DOCK9: variants seen among roughly 807,000 people sequenced by gnomAD.
DOCK9 encodes dedicator of cytokinesis 9.
DOCK9 carries 89 observed loss-of-function variants against 263.3 expected under a neutral mutation model. That is an observed-to-expected ratio of 0.34 (90% confidence interval 0.28 to 0.40). The LOEUF is 0.40. Ranked by LOEUF, DOCK9 falls within the 10% of genes least tolerant of loss-of-function variation. DOCK9 has a pLI of 1.00. For missense variants in DOCK9, 2,140 were observed against 2,603.4 expected, an observed-to-expected ratio of 0.82 and a Z score of 3.87; for synonymous variants, 976 against 973.1, an observed-to-expected ratio of 1.00 and a Z score of -0.06.
At chr13:98,823,405 C>G (rs1318826627) in intron 45 of DOCK9, among the ~76,000 whole-genome samples, 2 of 152,288 alleles carry the variant, frequency 1.3e-5, no homozygotes, top group African/African-American at 2.4e-5. Flanking sequence ...CAAGGGCCTG[C>G]CTCCCTGGCA....
rs772230928 is a variant in DOCK9, at chr13:98,885,703, C to G, written c.2260+5G>C. 14 of 1,608,276 alleles carry G rather than the reference C, an allele frequency of 8.7e-6. No homozygotes were observed. The highest frequency in any genetic ancestry group is 8.5e-5 in the Admixed American group (5 of 58,556). Reference sequence around the variant, plus strand: ...AAAATCAAAGGAATGGTAAGCCCCCCCAACCTTGGGTTTCAACGACATCCC... The same window carrying G: ...AAAATCAAAGGAATGGTAAGCCCCCGCAACCTTGGGTTTCAACGACATCCC... On this transcript the variant is annotated splice_donor_5th_base_variant and intron_variant, in intron 20 of 52. Coordinates refer to ENST00000682017, the MANE Select transcript of DOCK9 (RefSeq NM_001366683.2).
intron 36 of DOCK9, 51 bp from the exon 37 acceptor site, chr13:98,848,690 T>C (rs2093465231): frequency 6.5e-7 from 1 of 1,546,814 alleles, no homozygotes; most frequent in Non-Finnish European, 8.8e-7. Flanking sequence ...AAAATTATTT[T>C]CGGGACGTTA....
intron 10 of DOCK9, among the ~76,000 whole-genome samples, chr13:98,903,720 T>C (rs1430513021): frequency 6.7e-6 from 1 of 149,918 alleles, no homozygotes; most frequent in Non-Finnish European, 1.5e-5. Flanking sequence ...CCAATGTCCA[T>C]CAAGTATCCA....
At chr13:98,922,241 C>T in intron 5 of DOCK9, 95 bp from the exon 6 acceptor site, 1 of 843,392 alleles carries the variant, frequency 1.2e-6, no homozygotes. Flanking sequence ...TCCCTTTGTG[C>T]CAAGTTGTCC....
chr13:98,942,471 C>T (rs919371677), intron 2 of DOCK9, among the ~76,000 whole-genome samples: 3 of 152,120 alleles, frequency 2.0e-5, no homozygotes, highest in Non-Finnish European at 4.4e-5. Flanking sequence ...ATCTCCTGAC[C>T]TCGTGATCTG....
intron 38 of DOCK9, among the ~76,000 whole-genome samples, chr13:98,838,600 A>G (rs2093097088): frequency 6.6e-6 from 1 of 152,256 alleles, no homozygotes; most frequent in African/African-American, 2.4e-5. Context: ...TATATGTGGC[A>G]AAATCAGTTT....
In DOCK9 at chr13:99,018,487, A is replaced by G. The variant is rs565717839; in HGVS notation, c.130-62936T>C. 6.8e-4 allele frequency among the ~76,000 whole-genome samples: 103 copies of G among 152,380 alleles called. 1 individual carries two copies. The South Asian group carries it at 7.0e-3, about 10-fold the overall frequency. ...TACCCTGTTTGTGGTATTCTGTTATAGCAGCAGAAAATGGACCAAGACATA... is the reference window on the plus strand; with the variant it reads ...TACCCTGTTTGTGGTATTCTGTTATGGCAGCAGAAAATGGACCAAGACATA... On this transcript the variant is annotated intron_variant, in intron 1 of 32. Transcript: ENST00000427887.
At chr13:99,072,225 T>C (rs1663317080) in intron 1 of DOCK9, among the ~76,000 whole-genome samples, 1 of 152,186 alleles carries the variant, frequency 6.6e-6, no homozygotes, top group African/African-American at 2.4e-5. Flanking sequence ...CCTTCCAGAC[T>C]TTCATGATGT....
intron 25 of DOCK9, among the ~76,000 whole-genome samples, chr13:98,881,271 C>T (rs79939139): frequency 0.018 from 2,766 of 151,918 alleles, 45 homozygotes; most frequent in South Asian, 0.053. Context: ...AGAGGCCTAG[C>T]CAAGAACAAC....
chr13:98,922,235 T>A, intron 5 of DOCK9, 89 bp from the exon 6 acceptor site: 1 of 942,662 alleles, frequency 1.1e-6, no homozygotes, highest in Non-Finnish European at 1.6e-6. Flanking sequence ...GGTCATTCCC[T>A]TTGTGCCAAG....
At chr13:98,898,970 G>C (rs2047843921) in intron 13 of DOCK9, among the ~76,000 whole-genome samples, 1 of 151,456 alleles carries the variant, frequency 6.6e-6, no homozygotes, top group Non-Finnish European at 1.5e-5. Context: ...TTCCAAATTT[G>C]TCTGTACTGT....
Position 98,809,363 on chromosome 13 carries a change from A to C in DOCK9, c.5356T>G (p.Phe1786Val). The C allele has an allele frequency of 6.2e-7, 1 of 1,613,828 alleles. No individual in the cohort carries two copies. Among genetic ancestry groups the C allele is most frequent in the East Asian group, 2.2e-5 (1 of 44,878 alleles). Reference protein sequence around the residue: ...RLLGTYFRVAFFGQGFFEDED... With the variant: ...RLLGTYFRVAVFGQGFFEDED... ...GACAGGAGGCTCACCTGCCCGAAGA[A>C]GGCTACCCGGAAGTAGGTCCCCAGA... is the stretch of plus-strand genomic sequence containing the variant. The change falls in exon 47 of 53, where the codon TTC becomes GTC. Residue 1786 changes from phenylalanine (F) to valine (V), a missense_variant. Phe to Val is a conservative substitution (Grantham distance 50, BLOSUM62 -1). Coordinates refer to ENST00000682017, the MANE Select transcript of DOCK9 (RefSeq NM_001366683.2).
intron 45 of DOCK9, among the ~76,000 whole-genome samples, chr13:98,821,561 A>G (rs1223135714): frequency 1.3e-5 from 2 of 152,180 alleles, no homozygotes; most frequent in Non-Finnish European, 2.9e-5. Context: ...ATTCGTTAAC[A>G]AGGGAGGGAT....
intron 1 of DOCK9, among the ~76,000 whole-genome samples, chr13:99,021,029 C>CAAGG (rs1399407668): frequency 6.6e-6 from 1 of 152,198 alleles, no homozygotes; most frequent in Non-Finnish European, 1.5e-5. Context: ...TTTCATAAAT[C>CAAGG]AAGGCAGTGA....
intron 1 of DOCK9, among the ~76,000 whole-genome samples, chr13:99,056,420 T>C (rs1157795967): frequency 6.6e-6 from 1 of 152,176 alleles, no homozygotes; most frequent in Non-Finnish European, 1.5e-5. Flanking sequence ...AAAAGTATTA[T>C]AAAGATACAT....
At chr13:98,893,267 C>G (rs547167910) in intron 15 of DOCK9, among the ~76,000 whole-genome samples, 1 of 152,046 alleles carries the variant, frequency 6.6e-6, no homozygotes, top group Non-Finnish European at 1.5e-5. Flanking sequence ...AAGCTGCATA[C>G]GCAAAAACTT....
intron 44 of DOCK9, among the ~76,000 whole-genome samples, chr13:98,824,980 T>G (rs1353261280): frequency 6.6e-6 from 1 of 152,212 alleles, no homozygotes; most frequent in African/African-American, 2.4e-5. Flanking sequence ...AGATGAGAGC[T>G]TCCCCACACA....
At chr13:98,947,738 T>C (rs1364412885) in intron 2 of DOCK9, among the ~76,000 whole-genome samples, 1 of 152,152 alleles carries the variant, frequency 6.6e-6, no homozygotes, top group Non-Finnish European at 1.5e-5. Context: ...ACTCCTGACC[T>C]CAGGTAATCT....
In DOCK9 at chr13:98,867,409, A is replaced by G. The variant is rs1463488128; in HGVS notation, c.3286+16T>C. 2.2e-6 allele frequency: 3 copies of G among 1,377,538 alleles called. No homozygotes were observed. The highest frequency in any genetic ancestry group is 1.8e-4 in the Middle Eastern group (1 of 5,568). 85.3% of individuals were successfully genotyped at this position (1,377,538 alleles called of 1,614,324 possible). A position where few individuals can be genotyped will look rare whatever the true frequency, so the allele number is the denominator to read the frequency against. On this transcript the variant is annotated intron_variant, in intron 30 of 52. Transcript: ENST00000682017. ...CTCTGTTTGTGAAAAGGTTAATAGA[A>G]ATAAAGATGGATTACCTTGGTATCT...
Sources: allele counts gnomAD v4.1 joint callset (sites outside exome capture counted in the v4.1 genomes callset), GRCh38; gene constraint gnomAD v4.1.1; transcripts MANE v1.5; gene names NCBI Gene and HGNC (gene_info 2026-07-23, HGNC 2026-07-21).